Variants in LRP1B observed in about 807,000 individuals in gnomAD.
LRP1B encodes the protein LDL receptor related protein 1B, also known as low-density lipoprotein receptor-related protein 1B.
A neutral mutation model predicts 556.6 loss-of-function variants in LRP1B; 217 were observed. The ratio of observed to expected loss-of-function variants is 0.39; its 90% confidence interval spans 0.35 to 0.44. LRP1B has a LOEUF of 0.44. Among genes scored for constraint, LRP1B ranks in the 20% least tolerant of loss-of-function variants. The pLI is 1.00. For missense variants in LRP1B, 5,053 were observed against 5,620.8 expected, an observed-to-expected ratio of 0.90 and a Z score of 3.23; for synonymous variants, 2,047 against 1,865.8, an observed-to-expected ratio of 1.10 and a Z score of -2.50.
intron 10 of LRP1B, among the ~76,000 whole-genome samples, chr2:141,050,910 T>G: frequency 6.8e-6 from 1 of 147,996 alleles, no homozygotes; most frequent in East Asian, 2.0e-4. Flanking sequence ...ATCCAGAATC[T>G]ACAAGGAACT....
intron 1 of LRP1B, among the ~76,000 whole-genome samples, chr2:142,035,099 C>A (rs1460914697): frequency 6.6e-6 from 1 of 151,562 alleles, no homozygotes; most frequent in African/African-American, 2.4e-5. Context: ...AAAAAGTGGA[C>A]AAATATTCAA....
intron 66 of LRP1B, among the ~76,000 whole-genome samples, chr2:140,426,748 C>G (rs959967959): frequency 6.6e-6 from 1 of 152,194 alleles, no homozygotes; most frequent in African/African-American, 2.4e-5. Context: ...AAATAAACAG[C>G]CTTGTTGCTC....
At chr2:140,379,154 C>G in intron 67 of LRP1B, among the ~76,000 whole-genome samples, 1 of 152,148 alleles carries the variant, frequency 6.6e-6, no homozygotes, top group East Asian at 1.9e-4. Context: ...TGAAAGACCT[C>G]TTCGTGTTTT....
chr2:141,371,510 G>A (rs1274776531), intron 3 of LRP1B, among the ~76,000 whole-genome samples: 1 of 152,068 alleles, frequency 6.6e-6, no homozygotes, highest in Non-Finnish European at 1.5e-5. Context: ...CCATGACCAC[G>A]GGATGTTATT....
intron 3 of LRP1B, among the ~76,000 whole-genome samples, chr2:141,255,196 T>C (rs1203652653): frequency 6.6e-6 from 1 of 152,024 alleles, no homozygotes; most frequent in Non-Finnish European, 1.5e-5. Flanking sequence ...CAGAGCAAAT[T>C]AGGATTGAAT....
At chr2:141,544,328 C>CTTCTTCTTCTTCTTCTTCTTCTTCTT (rs1685421223) in intron 2 of LRP1B, among the ~76,000 whole-genome samples, 11 of 36,974 alleles carry the variant, frequency 3.0e-4, no homozygotes, top group South Asian at 2.6e-3. Context: ...TCTTCTTCTT[C>CTTCTTCTTCTTCTTCTTCTTCTTCTT]TTCTTCTTCT....
intron 3 of LRP1B, among the ~76,000 whole-genome samples, chr2:141,301,521 T>C (rs1011375603): frequency 6.6e-6 from 1 of 152,158 alleles, no homozygotes; most frequent in Non-Finnish European, 1.5e-5. Flanking sequence ...CCATAGTAAA[T>C]AGAGTGTCTC....
intron 1 of LRP1B, among the ~76,000 whole-genome samples, chr2:141,912,726 A>C (rs546735390): frequency 5.1e-4 from 78 of 152,288 alleles, no homozygotes; most frequent in Non-Finnish European, 9.0e-4. Flanking sequence ...TCCCTATACT[A>C]GAAGGAAAGT....
chr2:141,826,786 TTTA>T (rs1696944273), intron 1 of LRP1B, among the ~76,000 whole-genome samples: 1 of 152,162 alleles, frequency 6.6e-6, no homozygotes, highest in Non-Finnish European at 1.5e-5. Flanking sequence ...TTCAAAAGAA[TTTA>T]TTTATAGAAT....
At chr2:141,012,892 G>A (rs1023673664) in intron 14 of LRP1B, among the ~76,000 whole-genome samples, 1 of 151,662 alleles carries the variant, frequency 6.6e-6, no homozygotes, top group African/African-American at 2.4e-5. Context: ...TGACTATTTA[G>A]ACTCATAAAA....
chr2:140,610,770 G>A lies in LRP1B; in HGVS notation c.6800-9131C>T, dbSNP rs1184718133. 4.6e-5 allele frequency among the ~76,000 whole-genome samples: 7 copies of A among 152,158 alleles called. 1 individual carries two copies. In the South Asian group the frequency reaches 1.0e-3, roughly 23 times the overall value. ...CCGGCTAATTTTTTGTATTTTTAGT[G>A]GAGACGGGATTTCGCAGTGTTAGCC... On this transcript the variant is annotated intron_variant, in intron 41 of 90. Transcript: ENST00000389484.
intron 3 of LRP1B, among the ~76,000 whole-genome samples, chr2:141,329,644 A>AAAAAAAAAAAAAAAC: frequency 9.0e-6 from 1 of 110,714 alleles, no homozygotes; most frequent in African/African-American, 3.6e-5. Context: ...ACTCTGTCTC[A>AAAAAAAAAAAAAAAC]AAAAAAAAAA....
At chr2:141,407,587 GTT>G (rs1690689105) in intron 3 of LRP1B, among the ~76,000 whole-genome samples, 1 of 152,076 alleles carries the variant, frequency 6.6e-6, no homozygotes, top group Admixed American at 6.5e-5. Context: ...AGATCTGGTG[GTT>G]TAAAAATTTG....
At chr2:140,541,611 C>T (rs1463461854) in intron 44 of LRP1B, among the ~76,000 whole-genome samples, 168 bp downstream of exon 44, 1 of 151,964 alleles carries the variant, frequency 6.6e-6, no homozygotes, top group Admixed American at 6.6e-5. Context: ...AAATCTTGAA[C>T]ACTATTCCTA....
At chr2:141,474,046 T>TCC (rs1553519266) in intron 3 of LRP1B, among the ~76,000 whole-genome samples, 2 of 34,736 alleles carry the variant, frequency 5.8e-5, no homozygotes, top group South Asian at 4.8e-4. Flanking sequence ...CTTCCTTCCT[T>TCC]TCCTTCCTTC....
intron 2 of LRP1B, among the ~76,000 whole-genome samples, chr2:141,724,656 T>C (rs1469489300): frequency 6.6e-6 from 1 of 151,792 alleles, no homozygotes; most frequent in Non-Finnish European, 1.5e-5. Flanking sequence ...TGTGGGAAAA[T>C]TGACTATCAG....
At chr2:141,600,577 C>T (rs1176538442) in intron 2 of LRP1B, among the ~76,000 whole-genome samples, 1 of 151,508 alleles carries the variant, frequency 6.6e-6, no homozygotes, top group African/African-American at 2.4e-5. Flanking sequence ...GCAAACGTAA[C>T]CACCATTAGA....
intron 86 of LRP1B, among the ~76,000 whole-genome samples, chr2:140,263,806 C>CT (rs59927620): frequency 0.59 from 85,086 of 145,128 alleles, 25,986 homozygotes; most frequent in East Asian, 0.69. Context: ...TAATTGAGGC[C>CT]TTTTTTTTTT....
intron 1 of LRP1B, among the ~76,000 whole-genome samples, chr2:142,045,278 TC>T (rs1390187819): frequency 6.6e-6 from 1 of 151,788 alleles, no homozygotes; most frequent in East Asian, 1.9e-4. Flanking sequence ...TCACTTCTAT[TC>T]CTATCACAGT....
Sources: allele counts gnomAD v4.1 joint callset (sites outside exome capture counted in the v4.1 genomes callset), GRCh38; gene constraint gnomAD v4.1.1; transcripts MANE v1.5; gene names NCBI Gene and HGNC (gene_info 2026-07-23, HGNC 2026-07-21).